FBXW7: variants seen among roughly 807,000 people sequenced by gnomAD.
FBXW7 encodes the protein F-box/WD repeat-containing protein 7.
Under a neutral mutation model 86.3 loss-of-function variants are expected in FBXW7, and 11 were observed. That is an observed-to-expected ratio of 0.13 (90% CI 0.08 to 0.21). The LOEUF (loss-of-function observed/expected upper bound fraction) is 0.21. Ranked by LOEUF, FBXW7 falls within the 10% of genes least tolerant of loss-of-function variation. The pLI is 1.00. For missense variants in FBXW7, 488 were observed against 847.4 expected (o/e 0.58, Z 5.27); for synonymous variants, 313 against 297.9 (o/e 1.05, Z -0.52).
At chr4:152,456,368 A>C (rs1185293546) in intron 2 of FBXW7, among the ~76,000 whole-genome samples, 5 of 147,306 alleles carry the variant, frequency 3.4e-5, no homozygotes, top group African/African-American at 1.3e-4. Context: ...CTTAAAAAAA[A>C]AAAAAAAAAA....
intron 4 of FBXW7, among the ~76,000 whole-genome samples, chr4:152,409,493 T>A (rs143986807): frequency 6.6e-4 from 100 of 152,296 alleles, no homozygotes; most frequent in Non-Finnish European, 1.0e-3. Context: ...TGACTTTTTT[T>A]AATGCTGTTG....
chr4:152,404,362 T>C (rs545660428), intron 4 of FBXW7, among the ~76,000 whole-genome samples: 32 of 152,350 alleles, frequency 2.1e-4, no homozygotes, highest in Middle Eastern at 3.4e-3. Context: ...AATTATAAAA[T>C]GTATTTAAGA....
chr4:152,458,877 G>T (rs998767962), intron 2 of FBXW7, among the ~76,000 whole-genome samples: 1 of 152,138 alleles, frequency 6.6e-6, no homozygotes, highest in Non-Finnish European at 1.5e-5. Flanking sequence ...CCACTTCTAT[G>T]GGCCACAGGA....
intron 4 of FBXW7, among the ~76,000 whole-genome samples, chr4:152,363,411 G>A (rs1300817697): frequency 6.6e-6 from 1 of 152,082 alleles, no homozygotes; most frequent in Admixed American, 6.6e-5. Context: ...GGAAGGACAG[G>A]CAAGTCAATA....
At chr4:152,376,666 T>C (rs954478945) in intron 4 of FBXW7, among the ~76,000 whole-genome samples, 1 of 152,116 alleles carries the variant, frequency 6.6e-6, no homozygotes, top group Non-Finnish European at 1.5e-5. Flanking sequence ...AACACAGTAT[T>C]GCTAAGAGGT....
chr4:152,357,407 A>G (rs1185520721), intron 4 of FBXW7, among the ~76,000 whole-genome samples: 4 of 151,164 alleles, frequency 2.6e-5, no homozygotes, highest in Non-Finnish European at 4.4e-5. Context: ...TGCAACCTCC[A>G]CTTCCTGGGT....
intron 2 of FBXW7, among the ~76,000 whole-genome samples, chr4:152,523,020 ACCAC>A (rs1429520809): frequency 6.6e-6 from 1 of 152,232 alleles, no homozygotes; most frequent in African/African-American, 2.4e-5. Flanking sequence ...AACTAAAACT[ACCAC>A]CAAGTGACAA....
At chr4:152,413,779 T>C (rs1345063286) in intron 2 of FBXW7, among the ~76,000 whole-genome samples, 1 of 152,150 alleles carries the variant, frequency 6.6e-6, no homozygotes, top group Non-Finnish European at 1.5e-5. Flanking sequence ...AGTTAACCAA[T>C]GACATTTCAT....
intron 2 of FBXW7, among the ~76,000 whole-genome samples, chr4:152,483,957 A>G (rs1027143012): frequency 4.6e-5 from 7 of 152,152 alleles, no homozygotes; most frequent in African/African-American, 1.7e-4. Flanking sequence ...TATATTTGAC[A>G]ATCAGATTGT....
chr4:152,517,787 T>C (rs1186613859), intron 2 of FBXW7, among the ~76,000 whole-genome samples: 1 of 152,220 alleles, frequency 6.6e-6, no homozygotes, highest in Non-Finnish European at 1.5e-5. Flanking sequence ...AGTGGTGCCA[T>C]ATTAACATTC....
At chr4:152,390,719 T>G (rs973186009) in intron 4 of FBXW7, among the ~76,000 whole-genome samples, 1 of 152,104 alleles carries the variant, frequency 6.6e-6, no homozygotes, top group Non-Finnish European at 1.5e-5. Context: ...TAAACATTAC[T>G]TACCAATAAT....
At chr4:152,369,077 G>C (rs1305827980) in intron 4 of FBXW7, among the ~76,000 whole-genome samples, 4 of 151,864 alleles carry the variant, frequency 2.6e-5, no homozygotes, top group Non-Finnish European at 5.9e-5. Flanking sequence ...TTTACCACTT[G>C]AAGAAACTAA....
chr4:152,384,609 T>G (rs1735374311), intron 4 of FBXW7, among the ~76,000 whole-genome samples: 1 of 152,066 alleles, frequency 6.6e-6, no homozygotes, highest in Non-Finnish European at 1.5e-5. Context: ...TGGTAATGGT[T>G]GTATAACAAT....
chr4:152,426,966 G>GA (rs1455448227), intron 2 of FBXW7, among the ~76,000 whole-genome samples: 2 of 152,122 alleles, frequency 1.3e-5, no homozygotes, highest in Admixed American at 6.5e-5. Flanking sequence ...TGTAAAATTA[G>GA]AAAAAACATT....
chr4:152,535,700 C>G lies in FBXW7; in HGVS notation c.-786G>C. 1 of 395,780 alleles carries G rather than the reference C, an allele frequency of 2.5e-6. No individual in the cohort carries two copies. Among genetic ancestry groups the G allele is most frequent in the Non-Finnish European group, 4.5e-6 (1 of 224,074 alleles). The allele number at this position is 395,780 out of a possible 1,614,324, so 24.5% of individuals were successfully genotyped here. ...CACCTTGGGGGTCTCGCCCCACGCC[C>G]CACGGGACGAGGCAGAAGCTCTGGC... is the stretch of plus-strand genomic sequence containing the variant. On this transcript the variant is annotated 5_prime_UTR_variant, in exon 1 of 14. Transcript: ENST00000281708.
rs2126537034 is a variant in FBXW7, at chr4:152,330,885, C to G, written c.986-17G>C. ...CATCAATCCCTAAAGTGTTACAGTT[C>G]AAGAGTAAATTGCCTTCACCAATAA... On this transcript the variant is annotated splice_polypyrimidine_tract_variant and intron_variant, in intron 8 of 13. Coordinates refer to ENST00000281708, the MANE Select transcript of FBXW7 (RefSeq NM_001349798.2). 6.2e-7 allele frequency: 1 copy of G among 1,606,750 alleles called. No homozygotes were observed. The highest frequency in any genetic ancestry group is 1.3e-5 in the African/African-American group (1 of 74,618).
chr4:152,334,719 A>G (rs983476207), intron 7 of FBXW7, among the ~76,000 whole-genome samples: 1 of 152,202 alleles, frequency 6.6e-6, no homozygotes, highest in African/African-American at 2.4e-5. Flanking sequence ...CCAGTGCATT[A>G]AAGAGAAATA....
At chr4:152,373,995 G>T (rs1421636240) in intron 4 of FBXW7, among the ~76,000 whole-genome samples, 1 of 152,038 alleles carries the variant, frequency 6.6e-6, no homozygotes, top group Non-Finnish European at 1.5e-5. Context: ...ATAACTGACA[G>T]TAATTAATGC....
chr4:152,490,153 G>A lies in FBXW7; in HGVS notation c.-120+44788C>T, dbSNP rs28439572. 7.0e-3 allele frequency among the ~76,000 whole-genome samples: 1,071 copies of A among 152,070 alleles called. 7 individuals are homozygous for A. The highest frequency in any genetic ancestry group is 0.025 in the African/African-American group (1,028 of 41,466). ...ATCATAAAGACAGAGTATAACATAC[G>A]TTACCAGGAAATCAGGGGAGGAAAG... On this transcript the variant is annotated intron_variant, in intron 2 of 13. Coordinates refer to ENST00000281708, the MANE Select transcript of FBXW7 (RefSeq NM_001349798.2).
Sources: gnomAD v4.1 joint callset for allele counts (sites outside exome capture counted in the v4.1 genomes callset) on GRCh38, gnomAD v4.1.1 for gene constraint, MANE v1.5 for transcripts, NCBI Gene and HGNC (gene_info 2026-07-23, HGNC 2026-07-21) for gene names.